Variants in MAML2 observed in about 807,000 individuals in gnomAD.
The protein encoded by MAML2 is mastermind like transcriptional coactivator 2.
A neutral mutation model predicts 96.1 loss-of-function variants in MAML2; 22 were observed. The ratio of observed to expected loss-of-function variants is 0.23; its 90% CI spans 0.16 to 0.33. The LOEUF (loss-of-function observed/expected upper bound fraction) is 0.33. Ranked by LOEUF, MAML2 falls within the 10% of genes least tolerant of loss-of-function variation. MAML2 has a pLI of 1.00. For synonymous variants in MAML2, 561 were observed against 521.3 expected (o/e 1.08, Z -1.04); for missense variants, 1,367 against 1,392.4 (o/e 0.98, Z 0.29).
In MAML2 at chr11:95,980,869, G is replaced by A. The variant is rs1435694641; in HGVS notation, c.2456-906C>T. Among the ~76,000 whole-genome samples, 5 of 152,294 alleles carry A rather than the reference G, an allele frequency of 3.3e-5. No homozygotes were observed. The East Asian group carries it at 9.7e-4, about 29-fold the overall frequency. On this transcript the variant is annotated intron_variant, in intron 4 of 4. Coordinates refer to ENST00000524717, the MANE Select transcript of MAML2 (RefSeq NM_032427.4). ...TGACAGAGACCCAGGAGGCAGACAA[G>A]GGTCTCCCCCACGCCTTCAAACCTA...
At position 96,092,380 on chromosome 11, in the gene MAML2, G is replaced by C. The variant is rs772152399; in HGVS notation, c.1651C>G (p.Pro551Ala). Residue 551 changes from proline (P) to alanine (A), a missense_variant, in exon 2 of 5, where the codon CCC becomes GCC. By Grantham distance (27) the Pro-to-Ala change is conservative. Coordinates refer to ENST00000524717, the MANE Select transcript of MAML2 (RefSeq NM_032427.4). This position sits in a 1 kb window ranked among gnomAD's most constrained non-coding sequence, Gnocchi z 4.1. ...AAAGGCTTGGTGTTGCCCTGACGGG[G>C]CTCCATGGCTGGGTGCGGGTTGTTA... ...FINNPHPAME[P>A]RQGNTKPLFH... The C allele has an allele frequency of 5.6e-6, 9 of 1,613,948 alleles. No individual in the cohort carries two copies. The South Asian group carries it at 9.9e-5, about 18-fold the overall frequency.
rs546602286 is a variant in MAML2 at position 96,301,146 on chromosome 11, T to C, written c.513+40237A>G. 4.6e-5 allele frequency among the ~76,000 whole-genome samples: 7 copies of C among 152,342 alleles called. No individual in the cohort carries two copies. The East Asian group carries it at 1.4e-3, about 29-fold the overall frequency. On this transcript the variant is annotated intron_variant, in intron 1 of 4. Coordinates refer to ENST00000524717, the MANE Select transcript of MAML2 (RefSeq NM_032427.4). ...GTCTCATGTATTGTTAGGACCCATG[T>C]ATTCTTACATCTGTTGGGCAAAAAT...
intron 1 of MAML2, among the ~76,000 whole-genome samples, chr11:96,224,059 G>A (rs1668500786): frequency 6.6e-6 from 1 of 152,066 alleles, no homozygotes; most frequent in Non-Finnish European, 1.5e-5. Context: ...GATCTGACTT[G>A]TCATTCTGCC....
At chr11:95,986,422 G>A (rs892343946) in intron 3 of MAML2, among the ~76,000 whole-genome samples, 26 of 151,678 alleles carry the variant, frequency 1.7e-4, no homozygotes, top group African/African-American at 6.3e-4. Context: ...GGCTGGTCTC[G>A]AACTCCTGAC....
At chr11:96,183,331 T>TG (rs869251444) in intron 1 of MAML2, among the ~76,000 whole-genome samples, 1 of 80 alleles carries the variant, frequency 0.013, no homozygotes, top group Non-Finnish European at 0.024. Context: ...GAATTTTAGA[T>TG]TTTTTATTTC....
intron 1 of MAML2, among the ~76,000 whole-genome samples, chr11:96,302,577 T>C (rs1490226277): frequency 6.6e-6 from 1 of 152,192 alleles, no homozygotes; most frequent in Non-Finnish European, 1.5e-5. Context: ...CTGGAGCTGA[T>C]TCTCCCCTGA....
At chr11:96,023,723 T>G (rs1858472253) in intron 2 of MAML2, among the ~76,000 whole-genome samples, 1 of 152,200 alleles carries the variant, frequency 6.6e-6, no homozygotes, top group Admixed American at 6.5e-5. Context: ...TGGCTTTTCC[T>G]ATACAAGTAG....
intron 1 of MAML2, among the ~76,000 whole-genome samples, chr11:96,324,593 A>G (rs1271367721): frequency 6.6e-6 from 1 of 152,204 alleles, no homozygotes; most frequent in African/African-American, 2.4e-5. Context: ...AATAAATAAG[A>G]AGGCACATCT....
chr11:96,328,023 G>T (rs1395506679), intron 1 of MAML2, among the ~76,000 whole-genome samples: 1 of 152,054 alleles, frequency 6.6e-6, no homozygotes, highest in Non-Finnish European at 1.5e-5. Flanking sequence ...TTCAACCCGG[G>T]GGGTGGAGGT....
chr11:96,049,216 A>G (rs1277456828), intron 2 of MAML2, among the ~76,000 whole-genome samples: 1 of 152,082 alleles, frequency 6.6e-6, no homozygotes. Context: ...ACTATGCTCT[A>G]TTTTTCTTTA....
intron 1 of MAML2, among the ~76,000 whole-genome samples, chr11:96,102,411 T>C (rs542997455): frequency 2.0e-5 from 3 of 152,318 alleles, no homozygotes; most frequent in Admixed American, 1.3e-4. Context: ...AGTATGATCA[T>C]TGTTCTGGAG....
intron 1 of MAML2, among the ~76,000 whole-genome samples, chr11:96,241,823 C>T (rs1320712032): frequency 6.6e-6 from 1 of 152,172 alleles, no homozygotes; most frequent in African/African-American, 2.4e-5. Context: ...TCTAGTTTTG[C>T]TCTGTTCAAT....
intron 1 of MAML2, among the ~76,000 whole-genome samples, chr11:96,294,526 C>T (rs567772863): frequency 2.1e-3 from 318 of 152,262 alleles, no homozygotes; most frequent in Admixed American, 4.2e-3. Flanking sequence ...TGAATTGTTA[C>T]AAGGACTGCA....
chr11:96,300,228 A>G (rs1386222357), intron 1 of MAML2, among the ~76,000 whole-genome samples: 1 of 152,190 alleles, frequency 6.6e-6, no homozygotes, highest in African/African-American at 2.4e-5. Context: ...TGAAACTGGG[A>G]TGTCATGAAA....
intron 1 of MAML2, among the ~76,000 whole-genome samples, chr11:96,128,760 A>C (rs1399186123): frequency 6.6e-6 from 1 of 152,236 alleles, no homozygotes; most frequent in Non-Finnish European, 1.5e-5. Context: ...ATGTTTCATC[A>C]CAGGGCAAAA....
In MAML2 at chr11:96,068,829, CA is replaced by C. The variant is rs538393436; in HGVS notation, c.2139+23062del. On this transcript the variant is annotated intron_variant, in intron 2 of 4. Transcript: ENST00000524717. ...TGGGCGACAGAGCAAGACTCCTTCTCAAAAAAAAAAAAAAAGAAGGTATGTA... is the reference window on the plus strand; with the variant it reads ...TGGGCGACAGAGCAAGACTCCTTCTCAAAAAAAAAAAAAAGAAGGTATGTA... 7.9e-3 allele frequency among the ~76,000 whole-genome samples: 609 copies of C among 76,662 alleles called. 2 individuals carry two copies. The highest frequency in any genetic ancestry group is 0.022 in the African/African-American group (479 of 21,404). 50.3% of individuals were successfully genotyped at this position (76,662 alleles called of 152,430 possible).
chr11:96,314,578 A>G (rs1242954669), intron 1 of MAML2, among the ~76,000 whole-genome samples: 1 of 152,110 alleles, frequency 6.6e-6, no homozygotes, highest in African/African-American at 2.4e-5. Flanking sequence ...TGGCATTGCC[A>G]CCTCCTTCTC....
chr11:96,113,240 A>G (rs1860163174), intron 1 of MAML2, among the ~76,000 whole-genome samples: 1 of 151,824 alleles, frequency 6.6e-6, no homozygotes, highest in African/African-American at 2.4e-5. Flanking sequence ...CTCACATTTA[A>G]TCATGCTGTT....
At chr11:96,114,136 C>A (rs1323815061) in intron 1 of MAML2, among the ~76,000 whole-genome samples, 1 of 152,042 alleles carries the variant, frequency 6.6e-6, no homozygotes. Context: ...CTAGGCTGGT[C>A]TTGAACTCCT....
Sources: gnomAD v4.1 joint callset for allele counts (sites outside exome capture counted in the v4.1 genomes callset) on GRCh38, gnomAD v4.1.1 for gene constraint, Gnocchi (gnomAD v3.1) non-coding constraint, MANE v1.5 for transcripts, NCBI Gene and HGNC (gene_info 2026-07-23, HGNC 2026-07-21) for gene names.